The following MMP24 variants were observed in gnomAD, a reference collection of about 807,000 sequenced individuals.
MMP24 encodes the protein matrix metalloproteinase-24.
MMP24 carries 25 observed loss-of-function variants against 62.8 expected under a neutral mutation model. That is an observed-to-expected ratio of 0.40 (90% confidence interval 0.29 to 0.56). MMP24 has a LOEUF of 0.56. MMP24 is among the 20% of genes least tolerant of loss of function. MMP24 has a pLI of 0.50. For synonymous variants in MMP24, 319 were observed against 350.5 expected (o/e 0.91, Z 1.00); for missense variants, 634 against 853.6 (o/e 0.74, Z 3.21).
chr20:35,258,341 C>T (rs1389874199), intron 4 of MMP24, among the ~76,000 whole-genome samples: 1 of 152,220 alleles, frequency 6.6e-6, no homozygotes, highest in Non-Finnish European at 1.5e-5. Flanking sequence ...TTCGAGTTCA[C>T]TTTCCCAAAG....
At chr20:35,270,149 G>A (rs927844033) in intron 7 of MMP24, among the ~76,000 whole-genome samples, 1 of 152,296 alleles carries the variant, frequency 6.6e-6, no homozygotes, top group Non-Finnish European at 1.5e-5. Flanking sequence ...AGACCACCCA[G>A]TACCTCATGG....
At chr20:35,258,491 T>A (rs1322190192) in intron 4 of MMP24, among the ~76,000 whole-genome samples, 1 of 152,126 alleles carries the variant, frequency 6.6e-6, no homozygotes, top group Non-Finnish European at 1.5e-5. Context: ...TCCATATATT[T>A]GTTGAAGAAA....
At chr20:35,234,539 T>C (rs927406350) in intron 1 of MMP24, among the ~76,000 whole-genome samples, 5 of 152,164 alleles carry the variant, frequency 3.3e-5, no homozygotes, top group East Asian at 3.8e-4. Flanking sequence ...CCCTCCCTGA[T>C]GAAGTGGCAT....
At chr20:35,243,805 CTG>C (rs1335187907) in intron 1 of MMP24, among the ~76,000 whole-genome samples, 1 of 152,002 alleles carries the variant, frequency 6.6e-6, no homozygotes, top group Non-Finnish European at 1.5e-5. Context: ...TTTTGCCAAA[CTG>C]AGAAAAATAT....
chr20:35,241,535 G>C (rs895174101), intron 1 of MMP24, among the ~76,000 whole-genome samples: 3 of 151,802 alleles, frequency 2.0e-5, no homozygotes, highest in African/African-American at 7.3e-5. Flanking sequence ...ATCCATCCCA[G>C]TGTTTAGTTC....
chr20:35,262,094 G>T (rs147962064), intron 4 of MMP24, among the ~76,000 whole-genome samples: 1 of 152,100 alleles, frequency 6.6e-6, no homozygotes. Flanking sequence ...GAGCCACCAC[G>T]CCCAGCCAGC....
At position 35,226,998 on chromosome 20, in the gene MMP24, G is replaced by C; in HGVS notation, c.246+14G>C. Reference sequence around the variant, plus strand: ...TTCGCCGGGCAGGTGGGGCTGGCGCGCGGGGCCGGGGCGCGGGCTCGGGGC... The same window carrying C: ...TTCGCCGGGCAGGTGGGGCTGGCGCCCGGGGCCGGGGCGCGGGCTCGGGGC... On this transcript the variant is annotated intron_variant, in intron 1 of 8. Coordinates refer to ENST00000246186, the MANE Select transcript of MMP24 (RefSeq NM_006690.4). 1 of 980,198 alleles carries C rather than the reference G, an allele frequency of 1.0e-6. No individual in the cohort carries two copies. Among genetic ancestry groups the C allele is most frequent in the Non-Finnish European group, 1.2e-6 (1 of 827,904 alleles). 60.7% of individuals were successfully genotyped at this position (980,198 alleles called of 1,614,324 possible).
rs770302097 is a variant in MMP24 at position 35,254,538 on chromosome 20, C to A, written c.601C>A (p.Leu201Met). The change falls in exon 4 of 9, where the codon CTG becomes ATG. Residue 201 changes from leucine to methionine, a missense_variant. By Grantham distance (15) the Leu-to-Met change is conservative. Around this residue, in one of 3 missense-constraint regions of MMP24, gnomAD observed 212 missense variants for 259.6 expected, o/e 0.82. Transcript: ENST00000246186. ...CGATGTGTGGCAGAAGGTGACCCCACTGACCTTTGAAGAGGTGCCATACCA... is the reference window on the plus strand; with the variant it reads ...CGATGTGTGGCAGAAGGTGACCCCAATGACCTTTGAAGAGGTGCCATACCA... ...AFDVWQKVTP[L>M]TFEEVPYHEI... 4.3e-6 allele frequency: 7 copies of A among 1,614,042 alleles called. No homozygotes were observed. The highest frequency in any genetic ancestry group is 5.1e-6 in the Non-Finnish European group (6 of 1,179,902).
rs554703879 is a variant in MMP24 at position 35,269,025 on chromosome 20, TA to T, written c.1195-720del. On this transcript the variant is annotated intron_variant, in intron 6 of 8. Coordinates refer to ENST00000246186, the MANE Select transcript of MMP24 (RefSeq NM_006690.4). This position sits in a 1 kb window ranked among gnomAD's most constrained non-coding sequence, Gnocchi z 4.6. ...CTGGGTGACAGAGCGAGACTCCATCTAAAAAAAAAAAAAAAGAAAGAAAACT... is the reference window on the plus strand; with the variant it reads ...CTGGGTGACAGAGCGAGACTCCATCTAAAAAAAAAAAAAAGAAAGAAAACT... 0.15 allele frequency among the ~76,000 whole-genome samples: 20,599 copies of T among 136,254 alleles called. 1,432 individuals are homozygous for T. Among genetic ancestry groups the T allele is most frequent in the South Asian group, 0.18 (775 of 4,268 alleles). 89.4% of individuals were successfully genotyped at this position (136,254 alleles called of 152,430 possible).
chr20:35,265,787 T>C (rs1351640385), intron 5 of MMP24, among the ~76,000 whole-genome samples: 1 of 152,074 alleles, frequency 6.6e-6, no homozygotes, highest in Non-Finnish European at 1.5e-5. Context: ...CACTAAGAAC[T>C]AGTCATTCAT....
rs74173944 is a variant in MMP24, at chr20:35,256,714, CAAAAAAA to C, written c.817+1980_817+1986del. On this transcript the variant is annotated intron_variant, in intron 4 of 8. Transcript: ENST00000246186. ...AGCCTGGGCAACAGAGATTCCGTCT[CAAAAAAA>C]AAAAAAAAAAAAAAAAAAAGACTGC... is the stretch of plus-strand genomic sequence containing the variant. Among the ~76,000 whole-genome samples the C allele has an allele frequency of 3.8e-4, 15 of 39,654 alleles. No individual in the cohort carries two copies. In the South Asian group the frequency reaches 5.2e-3, roughly 14 times the overall value. The allele number at this position is 39,654 out of a possible 152,430, so 26.0% of individuals were successfully genotyped here.
At chr20:35,239,107 C>T (rs899086506) in intron 1 of MMP24, among the ~76,000 whole-genome samples, 9 of 148,892 alleles carry the variant, frequency 6.0e-5, no homozygotes, top group South Asian at 4.2e-4. Context: ...GGTGCAGTGC[C>T]GTGATCTTGG....
At chr20:35,244,660 G>A (rs1423266090) in intron 1 of MMP24, among the ~76,000 whole-genome samples, 2 of 152,002 alleles carry the variant, frequency 1.3e-5, no homozygotes, top group East Asian at 3.9e-4. Flanking sequence ...GGCTGGTCTC[G>A]AACTCCTGAC....
intron 1 of MMP24, among the ~76,000 whole-genome samples, chr20:35,244,195 GA>G (rs2060501951): frequency 6.6e-6 from 1 of 152,148 alleles, no homozygotes; most frequent in Admixed American, 6.6e-5. Context: ...CTATAGCTAG[GA>G]GGGGAATAAT....
In MMP24 at chr20:35,269,657, G is replaced by C. The variant is rs983129226; in HGVS notation, c.1195-103G>C. 4 of 1,374,620 alleles carry C rather than the reference G, an allele frequency of 2.9e-6. No individual in the cohort carries two copies. Among genetic ancestry groups the C allele is most frequent in the East Asian group, 5.0e-5 (2 of 39,964 alleles). The allele number at this position is 1,374,620 out of a possible 1,614,324, so 85.2% of individuals were successfully genotyped here. A position where few individuals can be genotyped will look rare whatever the true frequency, so the allele number is the denominator to read the frequency against. The stretch of plus-strand genomic sequence containing the variant: ...TCAGAAGCAGCTAATGGACAGTCTC[G>C]GTGGAGGGCTGGGCTGTTGGGACCT... On this transcript the variant is annotated intron_variant, in intron 6 of 8. Transcript: ENST00000246186. The surrounding 1 kb of genome is among the most constrained non-coding windows in gnomAD (Gnocchi z 4.6).
intron 2 of MMP24, among the ~76,000 whole-genome samples, chr20:35,249,236 C>T (rs146875054): frequency 6.6e-6 from 1 of 152,314 alleles, no homozygotes; most frequent in African/African-American, 2.4e-5. Flanking sequence ...CCCCTAGGTG[C>T]CTTTGGGTCT....
Position 35,276,597 on chromosome 20 carries a change from A to G in MMP24, c.*1988A>G, listed in dbSNP as rs1413525798. On this transcript the variant is annotated 3_prime_UTR_variant, in exon 9 of 9. Coordinates refer to ENST00000246186, the MANE Select transcript of MMP24 (RefSeq NM_006690.4). ...ACCTCTTCCTGGCCTCCCTTCCCCC[A>G]CTTCCTGGTCCCTGTCCACTCCTCA... 3 of 269,662 alleles carry G rather than the reference A, an allele frequency of 1.1e-5. No individual in the cohort carries two copies. The highest frequency in any genetic ancestry group is 2.1e-5 in the Non-Finnish European group (3 of 143,998). The allele number at this position is 269,662 out of a possible 1,614,324, so 16.7% of individuals were successfully genotyped here. A position where few individuals can be genotyped will look rare whatever the true frequency, so the allele number is the denominator to read the frequency against.
chr20:35,265,677 A>G (rs948837094), intron 5 of MMP24, among the ~76,000 whole-genome samples: 5 of 151,966 alleles, frequency 3.3e-5, no homozygotes, highest in Admixed American at 6.6e-5. Flanking sequence ...CCAGGAGTTC[A>G]AGACCAGCCT....
chr20:35,262,988 A>T (rs1322425855), intron 4 of MMP24: 1 of 152,146 alleles, frequency 6.6e-6, no homozygotes, highest in Admixed American at 6.6e-5. Context: ...CAGAATCTCA[A>T]GGCAGAAGAA....
Sources: allele counts gnomAD v4.1 joint callset (sites outside exome capture counted in the v4.1 genomes callset), GRCh38; gene constraint gnomAD v4.1.1; regional missense constraint gnomAD v4.1.1; non-coding constraint Gnocchi (gnomAD v3.1); transcripts MANE v1.5; gene names NCBI Gene and HGNC (gene_info 2026-07-23, HGNC 2026-07-21).